Variants in LAMA2 observed in about 807,000 individuals in gnomAD.
The protein encoded by LAMA2 is laminin subunit alpha 2, also known as laminin subunit alpha-2.
LAMA2 carries 269 observed loss-of-function variants against 364.8 expected under a neutral mutation model. The ratio of observed to expected loss-of-function variants is 0.74; its 90% CI spans 0.67 to 0.82. LAMA2 has a LOEUF of 0.82. Among genes scored for constraint, LAMA2 ranks in the 40% least tolerant of loss-of-function variants. The pLI, the probability that LAMA2 is intolerant of heterozygous loss-of-function variation, is 0.00. For synonymous variants in LAMA2, 1,379 were observed against 1,370.6 expected (o/e 1.01, Z -0.14); for missense variants, 3,807 against 3,873.2 (o/e 0.98, Z 0.45).
chr6:129,466,891 A>G (rs1239440944), intron 51 of LAMA2, among the ~76,000 whole-genome samples: 1 of 151,884 alleles, frequency 6.6e-6, no homozygotes. Flanking sequence ...CGAGAACTCT[A>G]AGAGTTTTAA....
intron 3 of LAMA2, 47 bp from the exon 4 acceptor site, chr6:129,098,126 A>T: frequency 6.3e-7 from 1 of 1,591,246 alleles, no homozygotes; most frequent in Non-Finnish European, 8.6e-7. Context: ...TAAAATGATG[A>T]GAATATTTGG....
intron 64 of LAMA2, 45 bp downstream of exon 64, chr6:129,514,640 T>C (rs1228282742): frequency 1.4e-6 from 2 of 1,444,610 alleles, no homozygotes; most frequent in Admixed American, 3.4e-5. Flanking sequence ...CTCTCTTATG[T>C]TACTGGTTTT....
At chr6:129,314,578 C>A in intron 23 of LAMA2, 77 bp from the exon 24 acceptor site, 1 of 1,346,076 alleles carries the variant, frequency 7.4e-7, no homozygotes. Context: ...AGAGTATGCT[C>A]CCGTTATGCA....
intron 1 of LAMA2, chr6:128,905,363 T>A (rs549436980): frequency 7.9e-4 from 121 of 152,240 alleles, no homozygotes; most frequent in African/African-American, 2.7e-3. Flanking sequence ...CATTTCACTT[T>A]CCTAAATTTT....
At chr6:129,320,464 T>C (rs1189483508) in intron 27 of LAMA2, 74 bp from the exon 28 acceptor site, 28 of 876,836 alleles carry the variant, frequency 3.2e-5, no homozygotes, top group Non-Finnish European at 2.0e-6. Context: ...AGGATATTGC[T>C]GTAGGATTGA....
chr6:129,127,319 A>G (rs1394681169), intron 4 of LAMA2, among the ~76,000 whole-genome samples: 3 of 152,212 alleles, frequency 2.0e-5, no homozygotes, highest in African/African-American at 7.2e-5. Flanking sequence ...TACATTTCAC[A>G]TGCAAGGGAG....
At chr6:129,164,244 G>A (rs1009505015) in intron 8 of LAMA2, among the ~76,000 whole-genome samples, 3 of 152,098 alleles carry the variant, frequency 2.0e-5, no homozygotes, top group African/African-American at 7.2e-5. Flanking sequence ...AGATATGCTG[G>A]ACAAGGGGAT....
intron 12 of LAMA2, among the ~76,000 whole-genome samples, chr6:129,229,861 ATT>A (rs751564334): frequency 6.6e-6 from 1 of 152,148 alleles, no homozygotes; most frequent in East Asian, 1.9e-4. Context: ...GTAAAAACAA[ATT>A]TTTTACAGGA....
At chr6:129,248,339 G>A (rs1385540541) in intron 12 of LAMA2, among the ~76,000 whole-genome samples, 1 of 152,162 alleles carries the variant, frequency 6.6e-6, no homozygotes, top group East Asian at 1.9e-4. Flanking sequence ...AAATAGGTAT[G>A]AAAAACACAT....
chr6:129,372,169 A>G (rs1778126053), intron 34 of LAMA2, among the ~76,000 whole-genome samples: 1 of 152,134 alleles, frequency 6.6e-6, no homozygotes, highest in African/African-American at 2.4e-5. Flanking sequence ...CAAAGTCCAT[A>G]GTTTACATTA....
chr6:128,996,276 A>G (rs1783936845), intron 1 of LAMA2, among the ~76,000 whole-genome samples: 1 of 152,108 alleles, frequency 6.6e-6, no homozygotes, highest in South Asian at 2.1e-4. Flanking sequence ...GAGGGAGGGA[A>G]ATGTGAAAAG....
chr6:129,293,774 TAGA>T (rs560637467), intron 20 of LAMA2, among the ~76,000 whole-genome samples: 54 of 152,122 alleles, frequency 3.5e-4, no homozygotes, highest in African/African-American at 1.3e-3. Context: ...GGATAGGGCA[TAGA>T]AGAAGGAGAG....
chr6:129,015,420 T>C (rs951146153), intron 1 of LAMA2, among the ~76,000 whole-genome samples: 3 of 152,132 alleles, frequency 2.0e-5, no homozygotes, highest in Non-Finnish European at 4.4e-5. Flanking sequence ...ATCTGTGTTA[T>C]GGATTGTAAG....
chr6:129,094,467 C>A (rs1583031101), intron 3 of LAMA2, among the ~76,000 whole-genome samples: 1 of 152,124 alleles, frequency 6.6e-6, no homozygotes, highest in Admixed American at 6.5e-5. Flanking sequence ...AACTTCTCTT[C>A]GTGGATTATT....
intron 12 of LAMA2, among the ~76,000 whole-genome samples, chr6:129,218,580 TA>T (rs1783578825): frequency 2.0e-5 from 3 of 152,154 alleles, no homozygotes; most frequent in African/African-American, 4.8e-5. Flanking sequence ...TAACATTCAT[TA>T]AATGCCTGAT....
chr6:129,402,417 C>A lies in LAMA2; in HGVS notation c.5656C>A (p.Leu1886Ile). The change falls in exon 39 of 65, where the codon CTT (leucine) becomes ATT (isoleucine). Residue 1886 changes from leucine to isoleucine, a missense_variant. Coordinates refer to ENST00000421865, the MANE Select transcript of LAMA2 (RefSeq NM_000426.4). ...DLSQEIKDRK[L>I]AEKVSQAESH... ...CTCCCAAGAAATAAAGGACAGGAAG[C>A]TTGCTGAGAAGGTGTCCCAGGCTGA... The A allele has an allele frequency of 6.2e-7, 1 of 1,614,066 alleles. No homozygotes were observed. Among genetic ancestry groups the A allele is most frequent in the Non-Finnish European group, 8.5e-7 (1 of 1,179,992 alleles).
intron 8 of LAMA2, among the ~76,000 whole-genome samples, chr6:129,160,201 T>A (rs1332873137): frequency 6.6e-6 from 1 of 152,142 alleles, no homozygotes; most frequent in Non-Finnish European, 1.5e-5. Flanking sequence ...TTGATAAAAT[T>A]TCCTAGTGAA....
rs139467053 is a variant in LAMA2, at chr6:129,479,365, T to C, written c.7572+552T>C. On this transcript the variant is annotated intron_variant, in intron 54 of 64. Coordinates refer to ENST00000421865, the MANE Select transcript of LAMA2 (RefSeq NM_000426.4). Reference sequence around the variant, plus strand: ...GTGTTTGACATGCCTGCAAAGTCCTTTGTTAGCTGATATCCTCAGTAACTC... The same window carrying C: ...GTGTTTGACATGCCTGCAAAGTCCTCTGTTAGCTGATATCCTCAGTAACTC... Among the ~76,000 whole-genome samples, 10 of 152,320 alleles carry C rather than the reference T, an allele frequency of 6.6e-5. No homozygotes were observed. The East Asian group carries it at 1.7e-3, about 26-fold the overall frequency.
intron 3 of LAMA2, among the ~76,000 whole-genome samples, chr6:129,087,036 C>G (rs1774426134): frequency 6.6e-6 from 1 of 152,162 alleles, no homozygotes; most frequent in African/African-American, 2.4e-5. Flanking sequence ...TTTCAGGACC[C>G]TTATGATTAC....
Sources: gnomAD v4.1 joint callset for allele counts (sites outside exome capture counted in the v4.1 genomes callset) on GRCh38, gnomAD v4.1.1 for gene constraint, MANE v1.5 for transcripts, NCBI Gene and HGNC (gene_info 2026-07-23, HGNC 2026-07-21) for gene names.